Variants in SGCZ observed in about 807,000 individuals in gnomAD.
The protein encoded by SGCZ is sarcoglycan zeta.
In SGCZ, 40 loss-of-function variants were observed where a neutral mutation model predicts 41.3. The ratio of observed to expected loss-of-function variants is 0.97; its 90% CI spans 0.75 to 1.26. The LOEUF is 1.26. Ranked by LOEUF, SGCZ falls within the 50% of genes most tolerant of loss-of-function variation. SGCZ has a pLI of 0.00. For missense variants in SGCZ, 552 were observed against 369.8 expected (o/e 1.49, Z -4.04); for synonymous variants, 206 against 137.5 (o/e 1.50, Z -3.49).
chr8:14,940,427 C>T (rs1284445636), intron 1 of SGCZ, among the ~76,000 whole-genome samples: 1 of 152,074 alleles, frequency 6.6e-6, no homozygotes, highest in East Asian at 1.9e-4. Flanking sequence ...TATTTACACA[C>T]TCAAATTATA....
chr8:14,499,175 C>T (rs1222828533), intron 2 of SGCZ, among the ~76,000 whole-genome samples: 2 of 151,796 alleles, frequency 1.3e-5, no homozygotes, highest in African/African-American at 4.8e-5. Context: ...TAATTATAGC[C>T]ATGGATTCTT....
intron 2 of SGCZ, among the ~76,000 whole-genome samples, chr8:14,374,611 A>G (rs887929909): frequency 9.2e-5 from 14 of 152,250 alleles, no homozygotes; most frequent in Admixed American, 5.9e-4. Context: ...CGAAAAGCCT[A>G]TTTAGGACTG....
At chr8:15,064,534 CAAAAAAAAAAAAAAAAA>C (rs199980199) in intron 1 of SGCZ, among the ~76,000 whole-genome samples, 2 of 132,078 alleles carry the variant, frequency 1.5e-5, no homozygotes, top group Non-Finnish European at 3.1e-5. Context: ...CCAGGCCTCT[CAAAAAAAAAAAAAAAAA>C]AAAAAAAAAG....
chr8:14,091,983 T>G (rs1801702295), intron 7 of SGCZ, among the ~76,000 whole-genome samples: 1 of 152,068 alleles, frequency 6.6e-6, no homozygotes, highest in South Asian at 2.1e-4. Context: ...CCATCTTGAG[T>G]TAGTTTTTGT....
chr8:14,984,544 G>A (rs58250466), intron 1 of SGCZ, among the ~76,000 whole-genome samples: 15,252 of 151,336 alleles, frequency 0.1, 1,817 homozygotes, highest in African/African-American at 0.29. Context: ...TCTATAAAGC[G>A]TGCTATAGTC....
At chr8:14,205,760 T>G (rs1805594897) in intron 4 of SGCZ, among the ~76,000 whole-genome samples, 1 of 152,180 alleles carries the variant, frequency 6.6e-6, no homozygotes, top group Non-Finnish European at 1.5e-5. Flanking sequence ...TTTTATGTTA[T>G]TTTAACTTGG....
At chr8:14,578,725 T>C (rs1056834067) in intron 1 of SGCZ, among the ~76,000 whole-genome samples, 1 of 152,200 alleles carries the variant, frequency 6.6e-6, no homozygotes. Flanking sequence ...AAATGATTCA[T>C]GGTAACAGTA....
intron 1 of SGCZ, among the ~76,000 whole-genome samples, chr8:14,954,874 G>C (rs974850900): frequency 2.0e-5 from 3 of 152,172 alleles, no homozygotes; most frequent in African/African-American, 7.2e-5. Context: ...GTCATTGTTT[G>C]TGATGATTTG....
chr8:14,903,960 T>C (rs1404897816), intron 1 of SGCZ, among the ~76,000 whole-genome samples: 1 of 152,022 alleles, frequency 6.6e-6, no homozygotes, highest in Non-Finnish European at 1.5e-5. Flanking sequence ...TTCTCATGAT[T>C]AGTAATATTT....
chr8:14,733,877 C>G (rs182692229), intron 1 of SGCZ, among the ~76,000 whole-genome samples: 1 of 152,254 alleles, frequency 6.6e-6, no homozygotes, highest in Non-Finnish European at 1.5e-5. Context: ...TAATCGTATA[C>G]CCATGAATAT....
intron 2 of SGCZ, among the ~76,000 whole-genome samples, chr8:14,427,515 G>A (rs1049786923): frequency 2.0e-5 from 3 of 151,808 alleles, no homozygotes; most frequent in Non-Finnish European, 2.9e-5. Flanking sequence ...CACTCGTTGC[G>A]TTTCCATGAG....
At chr8:14,352,133 G>T (rs774838254) in intron 2 of SGCZ, among the ~76,000 whole-genome samples, 5 of 152,032 alleles carry the variant, frequency 3.3e-5, no homozygotes, top group Non-Finnish European at 7.4e-5. Context: ...GATTAAGAAT[G>T]AAATGCATCT....
intron 5 of SGCZ, among the ~76,000 whole-genome samples, chr8:14,113,290 C>T (rs964787423): frequency 2.0e-5 from 3 of 152,052 alleles, no homozygotes; most frequent in African/African-American, 7.2e-5. Flanking sequence ...ATTTTCCCAC[C>T]TCTTAAGGCA....
intron 1 of SGCZ, among the ~76,000 whole-genome samples, chr8:15,106,759 A>G (rs1193385869): frequency 6.6e-6 from 1 of 152,104 alleles, no homozygotes; most frequent in African/African-American, 2.4e-5. Context: ...ATTTAAAAAT[A>G]CGTGGCAATT....
chr8:15,160,963 G>C (rs1799496135), intron 1 of SGCZ, among the ~76,000 whole-genome samples: 1 of 152,250 alleles, frequency 6.6e-6, no homozygotes, highest in African/African-American at 2.4e-5. Context: ...AGTGGTGTGA[G>C]CTCACTCCTG....
At chr8:15,021,872 G>T (rs1053866712) in intron 1 of SGCZ, among the ~76,000 whole-genome samples, 1 of 152,134 alleles carries the variant, frequency 6.6e-6, no homozygotes, top group Non-Finnish European at 1.5e-5. Flanking sequence ...GAATGCCCTT[G>T]CTAATTCTTA....
intron 1 of SGCZ, among the ~76,000 whole-genome samples, chr8:15,204,453 A>G (rs1263190538): frequency 6.6e-6 from 1 of 152,202 alleles, no homozygotes; most frequent in African/African-American, 2.4e-5. Flanking sequence ...ACCCACCAAT[A>G]AAACACCTAT....
intron 1 of SGCZ, among the ~76,000 whole-genome samples, chr8:14,702,254 C>T (rs1225177941): frequency 1.3e-5 from 2 of 151,862 alleles, no homozygotes; most frequent in African/African-American, 4.8e-5. Flanking sequence ...TCCTGGTTTT[C>T]CTCCCACATT....
At chr8:14,872,297 T>G (rs967395962) in intron 1 of SGCZ, among the ~76,000 whole-genome samples, 1 of 152,024 alleles carries the variant, frequency 6.6e-6, no homozygotes, top group Non-Finnish European at 1.5e-5. Context: ...TGCACATATA[T>G]CCCAGAACTT....
Sources: allele counts gnomAD v4.1 joint callset (sites outside exome capture counted in the v4.1 genomes callset), GRCh38; gene constraint gnomAD v4.1.1; transcripts MANE v1.5; gene names NCBI Gene and HGNC (gene_info 2026-07-23, HGNC 2026-07-21).